FAAH2: variants seen among roughly 807,000 people sequenced by gnomAD.
FAAH2 encodes fatty-acid amide hydrolase 2.
A neutral mutation model predicts 36.9 loss-of-function variants in FAAH2; 60 were observed. That is an observed-to-expected ratio of 1.63 (90% CI 1.32 to 2.02). FAAH2 has a LOEUF of 2.02. FAAH2 is among the 30% of genes most tolerant of loss of function. The pLI is 0.00. For missense variants in FAAH2, 689 were observed against 397.5 expected (o/e 1.73, Z -6.23); for synonymous variants, 214 against 143.8 (o/e 1.49, Z -3.49).
At position 57,489,139 on chromosome X, in the gene FAAH2, A is replaced by T; in HGVS notation, c.*207A>T. 2.5e-6 allele frequency: 1 copy of T among 405,837 alleles called. No homozygotes were observed. The allele number at this position is 405,837 out of a possible 1,213,427, so 33.4% of individuals were successfully genotyped here. On this transcript the variant is annotated 3_prime_UTR_variant, in exon 11 of 11. Transcript: ENST00000374900. ...AATATTTGCTTCTTGCTTTTATGTT[A>T]CTGGAAAATTAGGACATGTAAATGG...
intron 3 of FAAH2, among the ~76,000 whole-genome samples, chrX:57,324,396 T>C (rs1349119161): frequency 1.8e-5 from 2 of 112,165 alleles, no homozygotes; most frequent in Non-Finnish European, 1.9e-5. Flanking sequence ...GGTAGCTTGA[T>C]GCGGATGGCA....
chrX:57,182,221 G>A, the FAAH2 span, among the ~76,000 whole-genome samples: 3 of 112,198 alleles, frequency 2.7e-5, no homozygotes, highest in Non-Finnish European at 3.8e-5. Context: ...TGCAACAAAA[G>A]CAATAATTGA....
chrX:57,209,880 C>A, the FAAH2 span, among the ~76,000 whole-genome samples: 1 of 110,506 alleles, frequency 9.0e-6, no homozygotes, highest in Non-Finnish European at 1.9e-5. Flanking sequence ...TTGGCGAGTC[C>A]CCTCTGGCTA....
At chrX:57,137,316 T>C in the FAAH2 span, 9 of 757,993 alleles carry the variant, frequency 1.2e-5, no homozygotes, top group Non-Finnish European at 1.4e-5. Flanking sequence ...GGCGACTCGC[T>C]GAGTGACTGC....
the FAAH2 span, among the ~76,000 whole-genome samples, chrX:57,202,751 G>T: frequency 8.9e-6 from 1 of 112,130 alleles, no homozygotes; most frequent in African/African-American, 3.2e-5. Flanking sequence ...CCCTGGGAAA[G>T]TCTGTAGATG....
rs770263250 is a variant in FAAH2, at chrX:57,378,731, T to C, written c.823T>C (p.Tyr275His). The C allele has an allele frequency of 2.5e-6, 3 of 1,210,747 alleles. No homozygotes were observed. The Admixed American group carries it at 6.5e-5, about 26-fold the overall frequency. The change falls in exon 6 of 11, where the codon TAT becomes CAT. Residue 275 changes from tyrosine to histidine, a missense_variant. Transcript: ENST00000374900. ...TCTGTGCACTGGTCCTATGTGCCGT[T>C]ATGCTGAAGACCTGGCCCCCATGTT... Reference protein sequence around the residue: ...LFLCTGPMCRYAEDLAPMLKV... With the variant: ...LFLCTGPMCRHAEDLAPMLKV...
the FAAH2 span, among the ~76,000 whole-genome samples, chrX:57,220,888 C>T: frequency 2.1e-4 from 23 of 112,055 alleles, no homozygotes; most frequent in Admixed American, 2.2e-3. Context: ...ACTTATATCT[C>T]ATCGGCCTTG....
intron 3 of FAAH2, among the ~76,000 whole-genome samples, chrX:57,321,841 G>T (rs933243819): frequency 9.0e-6 from 1 of 111,380 alleles, no homozygotes; most frequent in Admixed American, 9.6e-5. Flanking sequence ...GCTTTTTAGG[G>T]TCACCAGTCT....
At chrX:57,259,983 A>T in the FAAH2 span, among the ~76,000 whole-genome samples, 1 of 111,768 alleles carries the variant, frequency 8.9e-6, no homozygotes, top group Non-Finnish European at 1.9e-5. Context: ...AATATTTACC[A>T]TTTGGAATTA....
chrX:57,280,038 G>A, the FAAH2 span, among the ~76,000 whole-genome samples: 1 of 111,629 alleles, frequency 9.0e-6, no homozygotes, highest in Non-Finnish European at 1.9e-5. Flanking sequence ...TAGATAGCAA[G>A]GAAGTTAATC....
rs760598020 is a variant in FAAH2, at chrX:57,315,657, C to T, written c.412+4928C>T. On this transcript the variant is annotated intron_variant, in intron 3 of 10. Coordinates refer to ENST00000374900, the MANE Select transcript of FAAH2 (RefSeq NM_174912.4). ...CACGTAAATGATTAAAAGTAAAAAC[C>T]ATGTGATCATCTCAATAGATGCAGA... is the stretch of plus-strand genomic sequence containing the variant. Among the ~76,000 whole-genome samples, 8 of 111,662 alleles carry T rather than the reference C, an allele frequency of 7.2e-5. No individual in the cohort carries two copies. The South Asian group carries it at 3.0e-3, about 42-fold the overall frequency.
At chrX:57,260,031 T>C in the FAAH2 span, among the ~76,000 whole-genome samples, 5 of 111,730 alleles carry the variant, frequency 4.5e-5, no homozygotes, top group Non-Finnish European at 9.4e-5. Flanking sequence ...AGTAAACACA[T>C]GAATAATATA....
chrX:57,311,698 G>A (rs1443156883), intron 3 of FAAH2, among the ~76,000 whole-genome samples: 1 of 112,291 alleles, frequency 8.9e-6, no homozygotes, highest in African/African-American at 3.2e-5. Flanking sequence ...CTGCCTTTCA[G>A]CTACTCCCAG....
the FAAH2 span, among the ~76,000 whole-genome samples, chrX:57,217,375 G>A: frequency 9.0e-6 from 1 of 110,942 alleles, no homozygotes; most frequent in Non-Finnish European, 1.9e-5. Flanking sequence ...GTCTAGAAAG[G>A]TTTTTCCAGT....
intron 5 of FAAH2, among the ~76,000 whole-genome samples, chrX:57,373,357 G>T (rs1245275815): frequency 1.9e-5 from 2 of 106,669 alleles, no homozygotes; most frequent in South Asian, 4.2e-4. Context: ...CAATGTAGAA[G>T]TGTTTCTTTT....
intron 4 of FAAH2, among the ~76,000 whole-genome samples, chrX:57,333,439 C>T (rs765412236): frequency 1.3e-4 from 14 of 111,372 alleles, no homozygotes; most frequent in South Asian, 7.6e-4. Flanking sequence ...GATTTGACTC[C>T]AATATGGAAG....
chrX:57,442,191 C>T (rs2147154475), intron 8 of FAAH2, among the ~76,000 whole-genome samples: 1 of 110,823 alleles, frequency 9.0e-6, no homozygotes, highest in African/African-American at 3.3e-5. Context: ...ACTGATCTGT[C>T]TAATGTTGAG....
chrX:57,363,052 A>G (rs746614005), intron 5 of FAAH2, among the ~76,000 whole-genome samples: 7 of 111,915 alleles, frequency 6.3e-5, no homozygotes, highest in Non-Finnish European at 1.3e-4. Flanking sequence ...TGCTTTGGCT[A>G]TTCGGGCTTT....
In FAAH2 at chrX:57,419,731, C is replaced by T. The variant is rs924701687; in HGVS notation, c.997-12187C>T. On this transcript the variant is annotated intron_variant, in intron 7 of 10. Transcript: ENST00000374900. ...GAAGCTCTTGAGTTTAATTAGATCC[C>T]ATTTGTCAATTTAGGTTTTTGTTGC... is the stretch of plus-strand genomic sequence containing the variant. Among the ~76,000 whole-genome samples, 3 of 111,939 alleles carry T rather than the reference C, an allele frequency of 2.7e-5. No individual in the cohort carries two copies. In the Admixed American group the frequency reaches 2.8e-4, roughly 11 times the overall value.
Sources: gnomAD v4.1 joint callset for allele counts (sites outside exome capture counted in the v4.1 genomes callset) on GRCh38, gnomAD v4.1.1 for gene constraint, MANE v1.5 for transcripts, NCBI Gene and HGNC (gene_info 2026-07-23, HGNC 2026-07-21) for gene names.